TJAP1: variants seen among roughly 807,000 people sequenced by gnomAD.
TJAP1 encodes the protein tight junction associated protein 1.
A neutral mutation model predicts 42.0 loss-of-function variants in TJAP1; 27 were observed. The ratio of observed to expected loss-of-function variants is 0.64; its 90% CI spans 0.47 to 0.89. TJAP1 has a LOEUF of 0.89. TJAP1 is among the 40% of genes least tolerant of loss of function. The pLI is 0.00. For missense variants in TJAP1, 712 were observed against 726.9 expected, an observed-to-expected ratio of 0.98 and a Z score of 0.24; for synonymous variants, 257 against 288.4, an observed-to-expected ratio of 0.89 and a Z score of 1.10.
intron 5 of TJAP1, 53 bp downstream of exon 5, chr6:43,500,825 C>T (rs1342172171): frequency 1.2e-6 from 2 of 1,602,770 alleles, no homozygotes; most frequent in Non-Finnish European, 1.7e-6. Context: ...TCCCTCTTAG[C>T]TCCAGGCTAG....
At chr6:43,493,827 ATCT>A (rs1345389901) in intron 2 of TJAP1, among the ~76,000 whole-genome samples, 1 of 152,150 alleles carries the variant, frequency 6.6e-6, no homozygotes, top group Non-Finnish European at 1.5e-5. Context: ...AGCAACAGCA[ATCT>A]TCCACCACGG....
chr6:43,483,188 C>T (rs1785670740), intron 2 of TJAP1, among the ~76,000 whole-genome samples: 1 of 152,134 alleles, frequency 6.6e-6, no homozygotes, highest in Admixed American at 6.5e-5. Context: ...AGTTAAAGCC[C>T]ACACTGTCTG....
At chr6:43,487,494 A>G (rs76863543) in intron 2 of TJAP1, among the ~76,000 whole-genome samples, 2,800 of 152,162 alleles carry the variant, frequency 0.018, 35 homozygotes, top group South Asian at 0.039. Flanking sequence ...GGTATTGGAG[A>G]CAGGGGAACT....
Position 43,505,366 on chromosome 6 carries a change from A to G in TJAP1, c.1185A>G (p.Leu395=). The G allele has an allele frequency of 1.9e-6, 3 of 1,609,410 alleles. No individual in the cohort carries two copies. The highest frequency in any genetic ancestry group is 2.5e-6 in the Non-Finnish European group (3 of 1,179,500). Residue 395 remains leucine, a synonymous_variant, in exon 11 of 11, where the codon CTA becomes CTG. Coordinates refer to ENST00000372449, the Ensembl canonical transcript of TJAP1. This position sits in a 1 kb window ranked among gnomAD's most constrained non-coding sequence, Gnocchi z 5.5. The stretch of plus-strand genomic sequence containing the variant: ...ACCACCAGCCCAGCCCAGCACCCCT[A>G]ACACTCAGTGCCCCAGCTAGCTCTG...
At chr6:43,488,476 A>G (rs540441389) in intron 2 of TJAP1, among the ~76,000 whole-genome samples, 1 of 152,300 alleles carries the variant, frequency 6.6e-6, no homozygotes, top group East Asian at 1.9e-4. Flanking sequence ...GGGAATCAGG[A>G]TGGATATAAC....
intron 2 of TJAP1, among the ~76,000 whole-genome samples, chr6:43,496,544 C>T (rs767535813): frequency 6.6e-6 from 1 of 152,214 alleles, no homozygotes; most frequent in Non-Finnish European, 1.5e-5. Context: ...TGTGCTGCCG[C>T]ACCTCAGCTC....
intron 5 of TJAP1, 86 bp from the exon 6 acceptor site, chr6:43,501,436 CCCTT>C (rs1790490533): frequency 8.4e-7 from 1 of 1,195,482 alleles, no homozygotes; most frequent in Non-Finnish European, 1.2e-6. Flanking sequence ...CTCATGTCAT[CCCTT>C]CCTTCCTGAG....
intron 2 of TJAP1, among the ~76,000 whole-genome samples, chr6:43,487,418 T>G (rs1472186173): frequency 6.6e-6 from 1 of 152,180 alleles, no homozygotes; most frequent in Non-Finnish European, 1.5e-5. Context: ...AGGGTCTTGA[T>G]ATTAGGGCAG....
chr6:43,483,740 G>A (rs1785816042), intron 2 of TJAP1, among the ~76,000 whole-genome samples: 1 of 152,186 alleles, frequency 6.6e-6, no homozygotes, highest in Admixed American at 6.6e-5. Context: ...TTAACCAGTA[G>A]GATTCTTGGT....
At chr6:43,489,902 C>G (rs542519072) in intron 2 of TJAP1, 1 of 152,480 alleles carries the variant, frequency 6.6e-6, no homozygotes, top group African/African-American at 2.4e-5. Flanking sequence ...TCTGCAGCTC[C>G]GGAGTTGGGC....
chr6:43,505,175 A>ACC lies in TJAP1; in HGVS notation c.994_995insCC (p.Ile332ThrfsTer2). 6.2e-7 allele frequency: 1 copy of ACC among 1,614,076 alleles called. No homozygotes were observed. Among genetic ancestry groups the ACC allele is most frequent in the East Asian group, 2.2e-5 (1 of 44,894 alleles). ...CCCACTGTATCCTGGCCGCAGGGTAATAGAGTTCTCTGAGGATAAGGTTCG... is the reference window on the plus strand; with the variant it reads ...CCCACTGTATCCTGGCCGCAGGGTAACCTAGAGTTCTCTGAGGATAAGGTTCG... On this transcript the variant is annotated frameshift_variant, in exon 11 of 11. Coordinates refer to ENST00000372449, the Ensembl canonical transcript of TJAP1. LOFTEE classifies it high-confidence loss of function. The surrounding 1 kb of genome is among the most constrained non-coding windows in gnomAD (Gnocchi z 5.5).
chr6:43,502,301 G>A (rs773825940), exon 7 of TJAP1: 6 of 1,613,872 alleles, frequency 3.7e-6, no homozygotes, highest in South Asian at 1.1e-5. Flanking sequence ...ACAGCTACAC[G>A]GCTTCCCAGC....
chr6:43,504,737 CTCTT>C lies in TJAP1; in HGVS notation c.580-21_580-18del. On this transcript the variant is annotated intron_variant, in intron 10 of 10. Coordinates refer to ENST00000372449, the Ensembl canonical transcript of TJAP1. ...TCTTTGGCTGCGATCATTGATGTCT[CTCTT>C]TCCTGCTCTTTTACCTCAGCTGCCC... The C allele has an allele frequency of 3.1e-6, 5 of 1,599,662 alleles. No individual in the cohort carries two copies. The highest frequency in any genetic ancestry group is 3.4e-6 in the Non-Finnish European group (4 of 1,170,346).
exon 4 of TJAP1, chr6:43,499,095 C>G (rs765480255): frequency 1.2e-6 from 2 of 1,613,670 alleles, no homozygotes; most frequent in East Asian, 4.5e-5. Flanking sequence ...CCGGCTTGAG[C>G]AGGAGGTCAG....
At position 43,495,284 on chromosome 6, in the gene TJAP1, T is replaced by G. The variant is rs1270476807; in HGVS notation, c.-121-2597T>G. Reference sequence around the variant, plus strand: ...ACCATGCATCACTGTCCTCCTTGGGTCTGTCCGGACTTTCCCTGCACACCT... The same window carrying G: ...ACCATGCATCACTGTCCTCCTTGGGGCTGTCCGGACTTTCCCTGCACACCT... On this transcript the variant is annotated intron_variant, in intron 2 of 10. Transcript: ENST00000372449. The surrounding 1 kb of genome is among the most constrained non-coding windows in gnomAD (Gnocchi z 4.6). Among the ~76,000 whole-genome samples, 1 of 152,220 alleles carries G rather than the reference T, an allele frequency of 6.6e-6. No individual in the cohort carries two copies. Among genetic ancestry groups the G allele is most frequent in the African/African-American group, 2.4e-5 (1 of 41,456 alleles).
In TJAP1 at chr6:43,505,176, T is replaced by TA. The variant is rs1792025987; in HGVS notation, c.996dup (p.Glu333ArgfsTer4). 11 of 1,614,108 alleles carry TA rather than the reference T, an allele frequency of 6.8e-6. No homozygotes were observed. The highest frequency in any genetic ancestry group is 9.3e-6 in the Non-Finnish European group (11 of 1,180,012). The stretch of plus-strand genomic sequence containing the variant: ...CCACTGTATCCTGGCCGCAGGGTAA[T>TA]AGAGTTCTCTGAGGATAAGGTTCGG... On this transcript the variant is annotated frameshift_variant, in exon 11 of 11. Coordinates refer to ENST00000372449, the Ensembl canonical transcript of TJAP1. LOFTEE classifies it high-confidence loss of function. The surrounding 1 kb of genome is among the most constrained non-coding windows in gnomAD (Gnocchi z 5.5).
intron 8 of TJAP1, chr6:43,503,152 T>C (rs997190103): frequency 5.4e-6 from 3 of 551,266 alleles, no homozygotes; most frequent in Non-Finnish European, 9.8e-6. Flanking sequence ...GATGGACAGC[T>C]CTTATACTGC....
intron 6 of TJAP1, among the ~76,000 whole-genome samples, chr6:43,501,890 G>GA (rs1561818161): frequency 1.1e-4 from 6 of 55,400 alleles, no homozygotes; most frequent in African/African-American, 6.0e-4. Context: ...GGAATGCGGG[G>GA]CCACACACAC....
intron 3 of TJAP1, 194 bp from the exon 4 acceptor site, chr6:43,498,784 C>G: frequency 2.0e-6 from 1 of 512,472 alleles, no homozygotes; most frequent in South Asian, 2.0e-5. Flanking sequence ...CATGCCCCAC[C>G]CTCCAGCACT....
Sources: gnomAD v4.1 joint callset for allele counts (sites outside exome capture counted in the v4.1 genomes callset) on GRCh38, gnomAD v4.1.1 for gene constraint, Gnocchi (gnomAD v3.1) non-coding constraint, MANE v1.5 for transcripts, NCBI Gene and HGNC (gene_info 2026-07-23, HGNC 2026-07-21) for gene names.